CLEC4C: variants seen among roughly 807,000 people sequenced by gnomAD.
The protein encoded by CLEC4C is C-type lectin domain family 4 member C, also known as C-type (calcium dependent, carbohydrate-recognition domain) lectin, superfamily member 11.
A neutral mutation model predicts 27.7 loss-of-function variants in CLEC4C; 17 were observed. The observed-to-expected ratio is 0.61, with a 90% CI of 0.42 to 0.92. The LOEUF (loss-of-function observed/expected upper bound fraction) is 0.92. CLEC4C is among the 40% of genes least tolerant of loss of function. The pLI is 0.00. For missense variants in CLEC4C, 244 were observed against 257.3 expected (o/e 0.95, Z 0.35); for synonymous variants, 80 against 80.8 (o/e 0.99, Z 0.06).
intron 3 of CLEC4C, among the ~76,000 whole-genome samples, chr12:7,737,939 C>T (rs1045405286): frequency 3.3e-5 from 5 of 152,088 alleles, no homozygotes; most frequent in Admixed American, 2.0e-4. Context: ...AACTAGGCAG[C>T]TTGTTGAGTT....
chr12:7,740,656 G>A (rs1864831696), intron 3 of CLEC4C, among the ~76,000 whole-genome samples: 1 of 151,276 alleles, frequency 6.6e-6, no homozygotes, highest in Non-Finnish European at 1.5e-5. Context: ...AGCCGAGATC[G>A]CGCCACTGCA....
intron 1 of CLEC4C, 94 bp downstream of exon 1, chr12:7,747,224 C>T (rs1400007980): frequency 1.8e-6 from 2 of 1,081,750 alleles, no homozygotes; most frequent in African/African-American, 1.6e-5. Flanking sequence ...CTGTCTACTT[C>T]TTCTTCCAAA....
At chr12:7,738,258 T>C (rs1864773470) in intron 3 of CLEC4C, among the ~76,000 whole-genome samples, 1 of 152,190 alleles carries the variant, frequency 6.6e-6, no homozygotes, top group Admixed American at 6.6e-5. Context: ...AATATTTTTC[T>C]TTTCGTTTGT....
intron 2 of CLEC4C, among the ~76,000 whole-genome samples, chr12:7,745,027 T>G (rs1023996712): frequency 6.6e-6 from 1 of 152,114 alleles, no homozygotes; most frequent in African/African-American, 2.4e-5. Context: ...GAGACTTTTT[T>G]AAAACAAAGG....
chr12:7,734,079 A>T (rs1864663046), intron 4 of CLEC4C, among the ~76,000 whole-genome samples: 1 of 147,504 alleles, frequency 6.8e-6, no homozygotes, highest in South Asian at 2.2e-4. Flanking sequence ...TGTACAAACA[A>T]GAAAAGATAT....
intron 3 of CLEC4C, among the ~76,000 whole-genome samples, chr12:7,738,533 G>A (rs756813312): frequency 2.6e-5 from 4 of 152,168 alleles, no homozygotes; most frequent in Non-Finnish European, 4.4e-5. Context: ...ACAGGATCAT[G>A]CTTTGTCATC....
Position 7,741,074 on chromosome 12 carries a change from C to T in CLEC4C, c.235+347G>A, listed in dbSNP as rs144892096. ...CGATCTCCTGACCTCGTGATCCGCC[C>T]GCCTCGGCCTCCCAAAGCGCTGGGA... On this transcript the variant is annotated intron_variant, in intron 3 of 5. Transcript: ENST00000360345. 9.0e-3 allele frequency among the ~76,000 whole-genome samples: 1,369 copies of T among 152,190 alleles called. 91 individuals are homozygous for T. The East Asian group carries it at 0.16, about 18-fold the overall frequency.
At chr12:7,745,425 T>C (rs1406661985) in intron 2 of CLEC4C, among the ~76,000 whole-genome samples, 2 of 7,248 alleles carry the variant, frequency 2.8e-4, no homozygotes, top group Non-Finnish European at 9.3e-4. Flanking sequence ...CAGTCTATGC[T>C]TTTTTTTTTT....
At chr12:7,747,788 T>C (rs191202994), upstream of CLEC4C, among the ~76,000 whole-genome samples, 487 of 151,638 alleles carry the variant, frequency 3.2e-3, no homozygotes, top group African/African-American at 0.011. Context: ...ACTACAGGCA[T>C]GTGCCACCAT....
At chr12:7,747,380 A>G (rs115212358), upstream of CLEC4C, 2,547 of 1,612,174 alleles carry the variant, frequency 1.6e-3, 47 homozygotes, top group African/African-American at 0.029. Flanking sequence ...GACTTCCTCT[A>G]TCAGGTGGGT....
chr12:7,739,967 TG>T (rs1864816553), intron 3 of CLEC4C, among the ~76,000 whole-genome samples: 1 of 151,840 alleles, frequency 6.6e-6, no homozygotes. Context: ...CCCGAGTTGC[TG>T]GGATTACAGG....
Position 7,741,543 on chromosome 12 carries a change from A to C in CLEC4C, c.125-12T>G. ...AAAATTGTGAGGCACTGGGAAAGAG[A>C]AATCGGAGTTAGTTCTCATTCTTTT... On this transcript the variant is annotated splice_polypyrimidine_tract_variant and intron_variant, in intron 2 of 5. Coordinates refer to ENST00000360345, the MANE Select transcript of CLEC4C (RefSeq NM_001371390.1). 1 of 1,402,078 alleles carries C rather than the reference A, an allele frequency of 7.1e-7. No individual in the cohort carries two copies. The highest frequency in any genetic ancestry group is 1.0e-6 in the Non-Finnish European group (1 of 986,166). The allele number at this position is 1,402,078 out of a possible 1,614,324, so 86.9% of individuals were successfully genotyped here. A position where few individuals can be genotyped will look rare whatever the true frequency, so the allele number is the denominator to read the frequency against.
At position 7,745,997 on chromosome 12, in the gene CLEC4C, C is replaced by T. The variant is rs144591304; in HGVS notation, c.124+334G>A. Among the ~76,000 whole-genome samples, 1,276 of 151,576 alleles carry T rather than the reference C, an allele frequency of 8.4e-3. 23 individuals are homozygous for T. Among genetic ancestry groups the T allele is most frequent in the African/African-American group, 0.028 (1,165 of 41,372 alleles). On this transcript the variant is annotated intron_variant, in intron 2 of 5. Transcript: ENST00000360345. ...TTGGGAGGCCAAGGTGGGCGGATCA[C>T]GAGGTCAGGAGATCGAAACCACCCT... is the stretch of plus-strand genomic sequence containing the variant.
At chr12:7,743,520 C>A (rs1433827337) in intron 2 of CLEC4C, among the ~76,000 whole-genome samples, 2 of 151,702 alleles carry the variant, frequency 1.3e-5, no homozygotes, top group Admixed American at 1.3e-4. Context: ...GAGTAGCTGG[C>A]ACTACAGGCG....
At chr12:7,735,960 T>A (rs780632420) in intron 4 of CLEC4C, among the ~76,000 whole-genome samples, 1 of 152,080 alleles carries the variant, frequency 6.6e-6, no homozygotes, top group Non-Finnish European at 1.5e-5. Context: ...ATGGCTTTAA[T>A]AGCAGGATAG....
rs199618790 is a variant in CLEC4C, at chr12:7,732,364, T to TA, written c.382-1453_382-1452insT. 4.5e-3 allele frequency among the ~76,000 whole-genome samples: 668 copies of TA among 149,932 alleles called. 3 individuals carry two copies. The highest frequency in any genetic ancestry group is 0.016 in the African/African-American group (632 of 40,640). ...TTTATTTTTTTATTTTTTTTATTTA[T>TA]TTTTTTGAGATGGAGTCTCACTCTG... On this transcript the variant is annotated intron_variant, in intron 4 of 5. Coordinates refer to ENST00000360345, the MANE Select transcript of CLEC4C (RefSeq NM_001371390.1).
chr12:7,741,330 G>A, intron 3 of CLEC4C, 91 bp downstream of exon 3: 1 of 756,276 alleles, frequency 1.3e-6, no homozygotes, highest in Non-Finnish European at 2.3e-6. Context: ...CCAGGCTGCA[G>A]TTGATAATTT....
chr12:7,733,521 G>A lies in CLEC4C; in HGVS notation c.382-2609C>T, dbSNP rs762240276. 7.7e-4 allele frequency among the ~76,000 whole-genome samples: 104 copies of A among 134,262 alleles called. 1 individual carries two copies. The highest frequency in any genetic ancestry group is 1.3e-3 in the Non-Finnish European group (87 of 64,710). The allele number at this position is 134,262 out of a possible 152,430, so 88.1% of individuals were successfully genotyped here. A position where few individuals can be genotyped will look rare whatever the true frequency, so the allele number is the denominator to read the frequency against. ...TTTTGAGACTGAGTCTTGCTCTGTC[G>A]CCCAGGCTAGAGTGCAGTGGCGAGA... is the stretch of plus-strand genomic sequence containing the variant. On this transcript the variant is annotated intron_variant, in intron 4 of 5. Transcript: ENST00000360345.
chr12:7,746,261 C>A, intron 2 of CLEC4C, 70 bp downstream of exon 2: 5 of 820,634 alleles, frequency 6.1e-6, no homozygotes, highest in Admixed American at 2.4e-5. Flanking sequence ...GAACGTGTTT[C>A]TTCAGGAAAT....
Sources: allele counts gnomAD v4.1 joint callset (sites outside exome capture counted in the v4.1 genomes callset), GRCh38; gene constraint gnomAD v4.1.1; transcripts MANE v1.5; gene names NCBI Gene and HGNC (gene_info 2026-07-23, HGNC 2026-07-21).